Variants in PTPRN2 observed in about 807,000 individuals in gnomAD.
The protein encoded by PTPRN2 is receptor-type tyrosine-protein phosphatase N2.
In PTPRN2, 74 loss-of-function variants were observed where a neutral mutation model predicts 118.8. The observed-to-expected ratio is 0.62, with a 90% CI of 0.52 to 0.76. PTPRN2 has a LOEUF of 0.76. Among genes scored for constraint, PTPRN2 ranks in the 30% least tolerant of loss-of-function variants. The pLI, the probability that PTPRN2 is intolerant of heterozygous loss-of-function variation, is 0.00. For missense variants in PTPRN2, 1,481 were observed against 1,394.4 expected (o/e 1.06, Z -0.99); for synonymous variants, 641 against 608.0 (o/e 1.05, Z -0.80).
intron 1 of PTPRN2, among the ~76,000 whole-genome samples, chr7:158,548,400 G>C (rs1486517617): frequency 1.3e-5 from 2 of 149,742 alleles, no homozygotes; most frequent in Non-Finnish European, 3.0e-5. Context: ...GTCAAACTGA[G>C]TGCCTTCCAG....
At chr7:158,225,789 A>G (rs1828722125) in intron 3 of PTPRN2, among the ~76,000 whole-genome samples, 1 of 152,062 alleles carries the variant, frequency 6.6e-6, no homozygotes, top group Non-Finnish European at 1.5e-5. Flanking sequence ...GTGGGGATGG[A>G]TTAGGGGAGG....
Position 157,729,848 on chromosome 7 carries a change from C to G in PTPRN2, c.1789-46911G>C, listed in dbSNP as rs1246520861. On this transcript the variant is annotated intron_variant, in intron 12 of 22. Transcript: ENST00000389418. The surrounding 1 kb of genome is among the most constrained non-coding windows in gnomAD (Gnocchi z 4.3). ...GAGCGGCAGGCGGATGAGGGAAGGA[C>G]CGTCCATTTGACTGGGCCACAGGTG... 6.6e-6 allele frequency among the ~76,000 whole-genome samples: 1 copy of G among 152,104 alleles called. No homozygotes were observed. Among genetic ancestry groups the G allele is most frequent in the African/African-American group, 2.4e-5 (1 of 41,408 alleles).
intron 11 of PTPRN2, among the ~76,000 whole-genome samples, chr7:158,078,124 A>G (rs1288481446): frequency 6.6e-6 from 1 of 152,232 alleles, no homozygotes; most frequent in African/African-American, 2.4e-5. Context: ...TTCGGCATCA[A>G]TACCACGTGA....
chr7:157,580,340 C>T (rs1378821938), intron 17 of PTPRN2, among the ~76,000 whole-genome samples: 13 of 152,118 alleles, frequency 8.5e-5, no homozygotes, highest in Admixed American at 3.3e-4. Context: ...AAACTGTATG[C>T]CTGAATTCCA....
intron 3 of PTPRN2, among the ~76,000 whole-genome samples, chr7:158,212,067 A>G (rs1827639620): frequency 6.6e-6 from 1 of 152,242 alleles, no homozygotes; most frequent in African/African-American, 2.4e-5. Context: ...TTGCAACAAC[A>G]TGGATGGAAC....
At position 158,546,529 on chromosome 7, in the gene PTPRN2, G is replaced by A. The variant is rs1426176511; in HGVS notation, c.112+41029C>T. ...GTGACTATAGGGCCATGAAGAAGGG[G>A]CCTCCTGATAATCCCTACCAGCAGC... On this transcript the variant is annotated intron_variant, in intron 1 of 22. Transcript: ENST00000389418. This position sits in a 1 kb window ranked among gnomAD's most constrained non-coding sequence, Gnocchi z 5.0. Among the ~76,000 whole-genome samples, 1 of 152,190 alleles carries A rather than the reference G, an allele frequency of 6.6e-6. No homozygotes were observed.
chr7:158,170,577 C>T (rs1262048158), intron 5 of PTPRN2, among the ~76,000 whole-genome samples: 1 of 152,238 alleles, frequency 6.6e-6, no homozygotes, highest in African/African-American at 2.4e-5. Context: ...GCACAAACAA[C>T]AGAGCCTGTA....
chr7:157,567,813 C>G (rs529787228), intron 21 of PTPRN2, among the ~76,000 whole-genome samples: 3 of 152,082 alleles, frequency 2.0e-5, no homozygotes, highest in Admixed American at 2.0e-4. Flanking sequence ...GGGACGCTAA[C>G]GGGTATCGCA....
At chr7:158,158,240 G>GT (rs760380780) in intron 6 of PTPRN2, among the ~76,000 whole-genome samples, 1 of 152,198 alleles carries the variant, frequency 6.6e-6, no homozygotes, top group Non-Finnish European at 1.5e-5. Context: ...ATTGGTATCA[G>GT]TTATTTCTGT....
At chr7:157,886,060 C>T (rs893006433) in intron 12 of PTPRN2, among the ~76,000 whole-genome samples, 2 of 152,228 alleles carry the variant, frequency 1.3e-5, no homozygotes, top group East Asian at 3.9e-4. Context: ...AACTCCAAGT[C>T]TGATGGGTTG....
chr7:158,340,755 C>T (rs199690784), intron 2 of PTPRN2, among the ~76,000 whole-genome samples: 982 of 47,228 alleles, frequency 0.021, 18 homozygotes, highest in Middle Eastern at 0.033. Flanking sequence ...GCAGACGTCA[C>T]ACACACCCAC....
chr7:158,486,019 G>T lies in PTPRN2; in HGVS notation c.163+3716C>A, dbSNP rs138549559. Among the ~76,000 whole-genome samples the T allele has an allele frequency of 5.9e-3, 904 of 152,264 alleles. 9 individuals are homozygous for T. The highest frequency in any genetic ancestry group is 0.021 in the African/African-American group (869 of 41,544). ...GTGACCATAACATAGCTTTAAAGAA[G>T]CATTCTCCTTTGTTTAATATTAATG... On this transcript the variant is annotated intron_variant, in intron 2 of 22. Transcript: ENST00000389418.
At chr7:158,053,716 G>A (rs1809505155) in intron 11 of PTPRN2, among the ~76,000 whole-genome samples, 2 of 152,036 alleles carry the variant, frequency 1.3e-5, no homozygotes, top group Admixed American at 1.3e-4. Flanking sequence ...GAGATGCAGA[G>A]ACCCCAGAGA....
intron 12 of PTPRN2, among the ~76,000 whole-genome samples, chr7:157,762,001 C>G (rs1226128265): frequency 6.6e-6 from 1 of 152,182 alleles, no homozygotes; most frequent in Non-Finnish European, 1.5e-5. Context: ...AAAGGCTCAT[C>G]ATCACTGGCC....
intron 2 of PTPRN2, among the ~76,000 whole-genome samples, chr7:158,350,342 T>C (rs986543046): frequency 2.0e-5 from 3 of 152,154 alleles, no homozygotes; most frequent in Non-Finnish European, 2.9e-5. Context: ...CTGGTTGCCG[T>C]GTTCCCAGGA....
intron 1 of PTPRN2, among the ~76,000 whole-genome samples, chr7:158,498,614 C>T (rs1202172722): frequency 1.3e-5 from 2 of 152,098 alleles, no homozygotes; most frequent in Non-Finnish European, 2.9e-5. Flanking sequence ...ATAATACCTT[C>T]AAAAGAAGGA....
chr7:157,596,475 C>T lies in PTPRN2; in HGVS notation c.2419-1160G>A, dbSNP rs1008663289. Among the ~76,000 whole-genome samples the T allele has an allele frequency of 9.9e-5, 15 of 152,190 alleles. No individual in the cohort carries two copies. The highest frequency in any genetic ancestry group is 3.6e-4 in the African/African-American group (15 of 41,440). On this transcript the variant is annotated intron_variant, in intron 16 of 22. Coordinates refer to ENST00000389418, the MANE Select transcript of PTPRN2 (RefSeq NM_002847.5). This position sits in a 1 kb window ranked among gnomAD's most constrained non-coding sequence, Gnocchi z 4.2. ...AAGACCATAATTATTACATTTATTT[C>T]GAAGATTAAGCACAGAAAAAAGAAC...
intron 3 of PTPRN2, among the ~76,000 whole-genome samples, chr7:158,218,115 T>C (rs966783330): frequency 2.6e-5 from 4 of 152,110 alleles, no homozygotes; most frequent in African/African-American, 9.7e-5. Flanking sequence ...CTATATAAGA[T>C]GACCATCCCC....
chr7:157,751,339 A>C (rs2150987544), intron 12 of PTPRN2, among the ~76,000 whole-genome samples: 1 of 152,180 alleles, frequency 6.6e-6, no homozygotes, highest in East Asian at 1.9e-4. Flanking sequence ...AAAGAAAAAA[A>C]TCCATGCGGC....
Sources: gnomAD v4.1 joint callset for allele counts (sites outside exome capture counted in the v4.1 genomes callset) on GRCh38, gnomAD v4.1.1 for gene constraint, Gnocchi (gnomAD v3.1) non-coding constraint, MANE v1.5 for transcripts, NCBI Gene and HGNC (gene_info 2026-07-23, HGNC 2026-07-21) for gene names.